The following CDKAL1 variants were observed in gnomAD, a reference collection of about 807,000 sequenced individuals.
The protein encoded by CDKAL1 is threonylcarbamoyladenosine tRNA methylthiotransferase.
Under a neutral mutation model 68.2 loss-of-function variants are expected in CDKAL1, and 32 were observed. The observed-to-expected ratio is 0.47, with a 90% CI of 0.35 to 0.63. The LOEUF (loss-of-function observed/expected upper bound fraction) is 0.63. CDKAL1 is among the 30% of genes least tolerant of loss of function. CDKAL1 has a pLI of 0.00. For synonymous variants in CDKAL1, 234 were observed against 244.3 expected (o/e 0.96, Z 0.39); for missense variants, 606 against 696.7 (o/e 0.87, Z 1.47).
intron 10 of CDKAL1, among the ~76,000 whole-genome samples, chr6:20,983,375 T>C (rs1286083726): frequency 6.6e-6 from 1 of 152,158 alleles, no homozygotes; most frequent in East Asian, 1.9e-4. Flanking sequence ...TTATGAAAAT[T>C]AAAAATTACC....
intron 13 of CDKAL1, among the ~76,000 whole-genome samples, chr6:21,121,742 TA>T (rs1318238413): frequency 2.0e-5 from 3 of 152,256 alleles, no homozygotes; most frequent in Non-Finnish European, 4.4e-5. Flanking sequence ...TATTAGAATG[TA>T]AGTAGGGATT....
At chr6:20,710,875 A>T (rs1235536484) in intron 5 of CDKAL1, among the ~76,000 whole-genome samples, 1 of 152,218 alleles carries the variant, frequency 6.6e-6, no homozygotes, top group Non-Finnish European at 1.5e-5. Flanking sequence ...ATACTGAATC[A>T]GGAATTGGAA....
intron 5 of CDKAL1, among the ~76,000 whole-genome samples, chr6:20,678,505 C>T (rs1770227754): frequency 6.6e-6 from 1 of 152,134 alleles, no homozygotes; most frequent in Admixed American, 6.6e-5. Flanking sequence ...TCTTTACAGT[C>T]AGTAAGGCTT....
Position 20,602,144 on chromosome 6 carries a change from A to G in CDKAL1, c.287-47149A>G, listed in dbSNP as rs745478679. On this transcript the variant is annotated intron_variant, in intron 4 of 15. Transcript: ENST00000274695. ...GCAGTATTATAATACTATTTTGTAG[A>G]TGCAAAAACCAAGTCTTAAATAGGT... 6.9e-4 allele frequency among the ~76,000 whole-genome samples: 105 copies of G among 152,300 alleles called. 1 individual carries two copies. The highest frequency in any genetic ancestry group is 7.7e-4 in the East Asian group (4 of 5,184).
chr6:20,707,717 G>A (rs1219043655), intron 5 of CDKAL1, among the ~76,000 whole-genome samples: 1 of 152,224 alleles, frequency 6.6e-6, no homozygotes, highest in Non-Finnish European at 1.5e-5. Context: ...ATGCATGTAA[G>A]AGTAATTCTT....
chr6:21,067,677 C>G (rs1771532543), intron 12 of CDKAL1, among the ~76,000 whole-genome samples: 1 of 151,932 alleles, frequency 6.6e-6, no homozygotes. Context: ...TTGTTTTTTT[C>G]TTTTGTTCCA....
intron 9 of CDKAL1, among the ~76,000 whole-genome samples, chr6:20,930,251 G>C (rs1280721372): frequency 2.0e-5 from 1 of 50,942 alleles, no homozygotes; most frequent in East Asian, 9.9e-4. Context: ...CACCATAAAC[G>C]TGAATTAAAA....
intron 8 of CDKAL1, among the ~76,000 whole-genome samples, chr6:20,818,946 T>C (rs968647192): frequency 2.6e-5 from 4 of 152,148 alleles, no homozygotes; most frequent in East Asian, 1.9e-4. Flanking sequence ...TTAACTGTTA[T>C]AGGAGTGTAT....
chr6:20,598,382 T>A (rs541908198), intron 4 of CDKAL1, among the ~76,000 whole-genome samples: 33 of 152,336 alleles, frequency 2.2e-4, no homozygotes, highest in African/African-American at 6.7e-4. Context: ...CTTAGCTTAC[T>A]GAGCTTCACA....
chr6:20,902,341 AC>A (rs768718563), intron 9 of CDKAL1, among the ~76,000 whole-genome samples: 15,167 of 150,138 alleles, frequency 0.1, 956 homozygotes, highest in Non-Finnish European at 0.13. Flanking sequence ...ACACACACAC[AC>A]ACACACACAC....
chr6:20,581,060 A>C (rs149982774), intron 4 of CDKAL1, among the ~76,000 whole-genome samples: 1 of 152,188 alleles, frequency 6.6e-6, no homozygotes, highest in Non-Finnish European at 1.5e-5. Flanking sequence ...AAGTGCTGGG[A>C]TAACAGGCGT....
chr6:20,841,046 G>A (rs2150484613), intron 8 of CDKAL1, among the ~76,000 whole-genome samples: 1 of 152,242 alleles, frequency 6.6e-6, no homozygotes, highest in South Asian at 2.1e-4. Flanking sequence ...TGTTGCTCAG[G>A]CTGGTCTCGA....
chr6:21,042,016 T>TA (rs1199348795), intron 11 of CDKAL1, among the ~76,000 whole-genome samples: 4 of 152,146 alleles, frequency 2.6e-5, no homozygotes, highest in Non-Finnish European at 5.9e-5. Context: ...ATCTGGTAAA[T>TA]AAAAAATAGT....
intron 13 of CDKAL1, among the ~76,000 whole-genome samples, chr6:21,126,690 A>G (rs934200994): frequency 5.3e-5 from 8 of 152,018 alleles, no homozygotes; most frequent in East Asian, 1.9e-4. Flanking sequence ...AGTTTTACCT[A>G]TGTTATGCTT....
intron 4 of CDKAL1, among the ~76,000 whole-genome samples, chr6:20,618,534 T>G (rs980659724): frequency 1.3e-5 from 2 of 152,228 alleles, no homozygotes; most frequent in Non-Finnish European, 1.5e-5. Flanking sequence ...TTTGAAAGTG[T>G]GCATAAGGCT....
intron 2 of CDKAL1, among the ~76,000 whole-genome samples, chr6:20,541,342 G>C (rs1017848224): frequency 6.6e-6 from 1 of 152,180 alleles, no homozygotes; most frequent in African/African-American, 2.4e-5. Context: ...GTTGGATTCA[G>C]ATGCTCAAAT....
At chr6:20,960,358 C>A (rs977740978) in intron 10 of CDKAL1, among the ~76,000 whole-genome samples, 1 of 152,184 alleles carries the variant, frequency 6.6e-6, no homozygotes, top group Non-Finnish European at 1.5e-5. Context: ...AGCCAGTTAG[C>A]CGCTGAACTG....
At chr6:20,955,033 C>T (rs1294089782) in intron 9 of CDKAL1, among the ~76,000 whole-genome samples, 1 of 152,146 alleles carries the variant, frequency 6.6e-6, no homozygotes, top group African/African-American at 2.4e-5. Flanking sequence ...GAGTTAACTG[C>T]TGATGGTGCC....
chr6:21,085,992 TGAAG>T (rs1772671579), intron 12 of CDKAL1, among the ~76,000 whole-genome samples: 1 of 152,182 alleles, frequency 6.6e-6, no homozygotes, highest in Admixed American at 6.5e-5. Flanking sequence ...CAAGAGAAGT[TGAAG>T]GAAGAATCTC....
Sources: gnomAD v4.1 joint callset for allele counts (sites outside exome capture counted in the v4.1 genomes callset) on GRCh38, gnomAD v4.1.1 for gene constraint, MANE v1.5 for transcripts, NCBI Gene and HGNC (gene_info 2026-07-23, HGNC 2026-07-21) for gene names.